The following DPP10 variants were observed in gnomAD, a reference collection of about 807,000 sequenced individuals.
DPP10 encodes the protein inactive dipeptidyl peptidase 10.
In DPP10, 33 loss-of-function variants were observed where a neutral mutation model predicts 120.9. The ratio of observed to expected loss-of-function variants is 0.27; its 90% CI spans 0.21 to 0.37. DPP10 has a LOEUF of 0.37. Ranked by LOEUF, DPP10 falls within the 10% of genes least tolerant of loss-of-function variation. DPP10 has a pLI of 1.00. For synonymous variants in DPP10, 337 were observed against 326.1 expected, an observed-to-expected ratio of 1.03 and a Z score of -0.36; for missense variants, 816 against 942.8, an observed-to-expected ratio of 0.87 and a Z score of 1.76.
intron 1 of DPP10, among the ~76,000 whole-genome samples, chr2:114,480,085 G>A (rs1249950819): frequency 1.3e-5 from 2 of 152,184 alleles, no homozygotes; most frequent in Non-Finnish European, 2.9e-5. Context: ...CATTTATGCA[G>A]CCAAAACACA....
At chr2:115,644,145 A>G (rs1193249585) in intron 5 of DPP10, among the ~76,000 whole-genome samples, 1 of 152,004 alleles carries the variant, frequency 6.6e-6, no homozygotes. Context: ...GGAAAATAAT[A>G]GTTTCTTTTT....
intron 1 of DPP10, among the ~76,000 whole-genome samples, chr2:114,966,190 T>C (rs1191459769): frequency 2.0e-5 from 3 of 152,020 alleles, no homozygotes; most frequent in African/African-American, 7.2e-5. Flanking sequence ...GGGTAGATGG[T>C]TGAATGAGGA....
chr2:114,461,936 G>C (rs1414488412), intron 1 of DPP10: 26 of 985,248 alleles, frequency 2.6e-5, no homozygotes, highest in Middle Eastern at 1.0e-3. Context: ...CTGGTTAGGA[G>C]GTAGGAAATA....
chr2:115,797,585 G>A (rs1288585934), intron 19 of DPP10, among the ~76,000 whole-genome samples: 1 of 151,844 alleles, frequency 6.6e-6, no homozygotes, highest in Non-Finnish European at 1.5e-5. Context: ...TATCATTTTT[G>A]TATCTTTGTC....
chr2:115,684,749 G>A (rs2090882606), intron 5 of DPP10, among the ~76,000 whole-genome samples: 2 of 151,864 alleles, frequency 1.3e-5, no homozygotes, highest in South Asian at 4.2e-4. Flanking sequence ...ATCCCCATAG[G>A]TGTCTTAGGT....
chr2:114,855,562 T>C (rs985822330), intron 1 of DPP10, among the ~76,000 whole-genome samples: 2 of 152,196 alleles, frequency 1.3e-5, no homozygotes, highest in African/African-American at 4.8e-5. Context: ...ACAACTTCCT[T>C]CTCTGTATGA....
At chr2:114,734,545 C>A (rs1677233808) in intron 1 of DPP10, among the ~76,000 whole-genome samples, 1 of 152,116 alleles carries the variant, frequency 6.6e-6, no homozygotes, top group South Asian at 2.1e-4. Context: ...TCATGCCTCC[C>A]TGAAATATAT....
intron 1 of DPP10, among the ~76,000 whole-genome samples, chr2:114,706,400 G>C (rs993950284): frequency 6.6e-6 from 1 of 152,136 alleles, no homozygotes; most frequent in Non-Finnish European, 1.5e-5. Context: ...AAAAATAAAG[G>C]TGTGAACAGG....
At chr2:114,940,938 C>A (rs891955304) in intron 1 of DPP10, among the ~76,000 whole-genome samples, 8 of 152,106 alleles carry the variant, frequency 5.3e-5, no homozygotes, top group Non-Finnish European at 1.0e-4. Context: ...ACTCTTACAT[C>A]CTTATTCATG....
intron 5 of DPP10, among the ~76,000 whole-genome samples, chr2:115,590,651 A>T (rs1422107582): frequency 6.6e-6 from 1 of 152,246 alleles, no homozygotes; most frequent in East Asian, 1.9e-4. Flanking sequence ...TCTTTATAGC[A>T]GCATGATTTA....
intron 1 of DPP10, among the ~76,000 whole-genome samples, chr2:114,901,349 C>T (rs1472375917): frequency 1.3e-5 from 2 of 152,124 alleles, no homozygotes; most frequent in Non-Finnish European, 2.9e-5. Flanking sequence ...AGGCACCTGC[C>T]ACCACACCTG....
At chr2:115,328,423 T>G (rs1466572819) in intron 2 of DPP10, among the ~76,000 whole-genome samples, 2 of 152,090 alleles carry the variant, frequency 1.3e-5, no homozygotes, top group Admixed American at 6.6e-5. Flanking sequence ...AGCTCTTGAC[T>G]TATGTAATCA....
chr2:115,563,122 T>A (rs942314975), intron 5 of DPP10, among the ~76,000 whole-genome samples: 3 of 152,200 alleles, frequency 2.0e-5, no homozygotes, highest in African/African-American at 7.2e-5. Context: ...CAATCACCTC[T>A]TAAACGTGTC....
intron 5 of DPP10, among the ~76,000 whole-genome samples, chr2:115,561,634 A>G (rs1445816701): frequency 2.0e-5 from 3 of 152,190 alleles, no homozygotes; most frequent in African/African-American, 7.2e-5. Context: ...TTACAAATTC[A>G]TTAAAGTATT....
At chr2:115,594,531 T>C (rs541335789) in intron 5 of DPP10, among the ~76,000 whole-genome samples, 1 of 152,304 alleles carries the variant, frequency 6.6e-6, no homozygotes, top group East Asian at 1.9e-4. Flanking sequence ...CTCCTGTTCT[T>C]CCCGATATTA....
intron 5 of DPP10, among the ~76,000 whole-genome samples, chr2:115,663,511 G>A (rs1318148834): frequency 2.0e-5 from 3 of 152,072 alleles, no homozygotes; most frequent in Admixed American, 6.6e-5. Flanking sequence ...TTCCTTCTGG[G>A]CACTTATGTC....
At chr2:115,420,307 T>C (rs1011422160) in intron 3 of DPP10, among the ~76,000 whole-genome samples, 3 of 152,140 alleles carry the variant, frequency 2.0e-5, no homozygotes, top group African/African-American at 7.2e-5. Context: ...AACTTTTTAA[T>C]TTATTTTCCC....
At chr2:114,541,131 T>C (rs34082312) in intron 1 of DPP10, among the ~76,000 whole-genome samples, 29,778 of 152,208 alleles carry the variant, frequency 0.2, 3,744 homozygotes, top group Non-Finnish European at 0.29. Context: ...TGGCAGGGGT[T>C]GTGATTTCCG....
At chr2:115,800,460 T>C (rs575396869) in intron 19 of DPP10, among the ~76,000 whole-genome samples, 1 of 152,158 alleles carries the variant, frequency 6.6e-6, no homozygotes, top group Non-Finnish European at 1.5e-5. Context: ...TTTGTCAATT[T>C]TGGCTTTTGT....
Sources: allele counts gnomAD v4.1 joint callset (sites outside exome capture counted in the v4.1 genomes callset), GRCh38; gene constraint gnomAD v4.1.1; transcripts MANE v1.5; gene names NCBI Gene and HGNC (gene_info 2026-07-23, HGNC 2026-07-21).